CCSER1: variants seen among roughly 807,000 people sequenced by gnomAD.
CCSER1 encodes the protein serine-rich coiled-coil domain-containing protein 1.
A neutral mutation model predicts 82.0 loss-of-function variants in CCSER1; 41 were observed. That is an observed-to-expected ratio of 0.50 (90% CI 0.39 to 0.65). CCSER1 has a LOEUF of 0.65. CCSER1 is among the 30% of genes least tolerant of loss of function. CCSER1 has a pLI of 0.00. For synonymous variants in CCSER1, 414 were observed against 383.9 expected (o/e 1.08, Z -0.92); for missense variants, 1,119 against 1,064.2 (o/e 1.05, Z -0.72).
chr4:90,815,047 T>C (rs1024693575), intron 7 of CCSER1, among the ~76,000 whole-genome samples: 22 of 152,134 alleles, frequency 1.4e-4, no homozygotes, highest in African/African-American at 5.3e-4. Flanking sequence ...AGACTGGGTA[T>C]TTATACAGGA....
intron 10 of CCSER1, among the ~76,000 whole-genome samples, chr4:91,214,926 T>G (rs1164325097): frequency 6.6e-6 from 1 of 152,120 alleles, no homozygotes; most frequent in Non-Finnish European, 1.5e-5. Context: ...GATGGAAATT[T>G]AAATTCACAA....
chr4:90,994,438 A>C (rs571950649), intron 9 of CCSER1, among the ~76,000 whole-genome samples: 1 of 152,194 alleles, frequency 6.6e-6, no homozygotes, highest in South Asian at 2.1e-4. Flanking sequence ...ATGGGTACTC[A>C]AAGTATGGTG....
chr4:90,581,410 A>G (rs1560756687), intron 5 of CCSER1, among the ~76,000 whole-genome samples: 2 of 152,144 alleles, frequency 1.3e-5, no homozygotes, highest in Non-Finnish European at 2.9e-5. Flanking sequence ...GAATGATGAA[A>G]TGATCACTGT....
At chr4:90,932,963 A>AG (rs1730164068) in intron 9 of CCSER1, among the ~76,000 whole-genome samples, 3 of 47,184 alleles carry the variant, frequency 6.4e-5, no homozygotes, top group South Asian at 5.5e-4. Context: ...AGAAAGAAAG[A>AG]AAGAAAGAAA....
Position 90,943,633 on chromosome 4 carries a change from G to A in CCSER1, c.2172+20186G>A, listed in dbSNP as rs186911151. ...GCTGGAGTGCAGTGGTGCGATCATG[G>A]CTCACTGCAGCCTCAACCTCCTGGG... On this transcript the variant is annotated intron_variant, in intron 9 of 10. Coordinates refer to ENST00000509176, the MANE Select transcript of CCSER1 (RefSeq NM_001145065.2). 5.3e-3 allele frequency among the ~76,000 whole-genome samples: 810 copies of A among 151,734 alleles called. 3 individuals carry two copies. Among genetic ancestry groups the A allele is most frequent in the Non-Finnish European group, 8.8e-3 (599 of 67,908 alleles).
chr4:90,763,629 C>T (rs62313018), intron 7 of CCSER1, among the ~76,000 whole-genome samples: 8,654 of 152,180 alleles, frequency 0.057, 353 homozygotes, highest in Admixed American at 0.11. Flanking sequence ...AGTCCCATGG[C>T]TCTGCCCGTT....
chr4:90,769,406 C>A (rs951513462), intron 7 of CCSER1, among the ~76,000 whole-genome samples: 1 of 152,132 alleles, frequency 6.6e-6, no homozygotes, highest in African/African-American at 2.4e-5. Context: ...GAGAGCTGCT[C>A]AACTGAATGA....
chr4:91,456,575 A>T (rs537377288), intron 10 of CCSER1, among the ~76,000 whole-genome samples: 1 of 151,944 alleles, frequency 6.6e-6, no homozygotes, highest in African/African-American at 2.4e-5. Context: ...AGTTTTTTTC[A>T]TGTATTGAAG....
At chr4:90,401,088 A>G (rs747781779) in intron 4 of CCSER1, among the ~76,000 whole-genome samples, 1 of 152,196 alleles carries the variant, frequency 6.6e-6, no homozygotes, top group Non-Finnish European at 1.5e-5. Context: ...CATATTATCA[A>G]TTGTCAAAAG....
At chr4:91,214,970 ATCT>A (rs1737128649) in intron 10 of CCSER1, among the ~76,000 whole-genome samples, 1 of 152,098 alleles carries the variant, frequency 6.6e-6, no homozygotes, top group Admixed American at 6.5e-5. Context: ...ACTCTGAAAT[ATCT>A]TCTTGTCTAC....
At position 91,024,145 on chromosome 4, in the gene CCSER1, C is replaced by A. The variant is rs574286457; in HGVS notation, c.2173-61805C>A. Among the ~76,000 whole-genome samples the A allele has an allele frequency of 1.9e-3, 288 of 152,164 alleles. 1 individual carries two copies. The highest frequency in any genetic ancestry group is 3.4e-3 in the Non-Finnish European group (232 of 67,996). ...CATTAATCCATTCATGAGGGCAGAG[C>A]CTTTATGATCCAATCAGCTCTTAAA... On this transcript the variant is annotated intron_variant, in intron 9 of 10. Transcript: ENST00000509176.
At chr4:90,447,718 C>T (rs1043636311) in intron 4 of CCSER1, among the ~76,000 whole-genome samples, 2 of 152,032 alleles carry the variant, frequency 1.3e-5, no homozygotes, top group Admixed American at 6.6e-5. Flanking sequence ...TAACAAAATA[C>T]CCAAGTCAAA....
chr4:90,525,180 G>A (rs1436410462), intron 5 of CCSER1, among the ~76,000 whole-genome samples: 3 of 151,862 alleles, frequency 2.0e-5, no homozygotes, highest in Non-Finnish European at 4.4e-5. Flanking sequence ...AATAAAAACA[G>A]TGCTTAAAAT....
rs1042430892 is a variant in CCSER1, at chr4:90,451,877, A to G, written c.1604-16357A>G. Among the ~76,000 whole-genome samples, 13 of 152,302 alleles carry G rather than the reference A, an allele frequency of 8.5e-5. No individual in the cohort carries two copies. The East Asian group carries it at 2.3e-3, about 27-fold the overall frequency. ...ACTTTCCATGGAAAGAATACCATGA[A>G]TAATAATCTGTTAATTTCCTGATGA... On this transcript the variant is annotated intron_variant, in intron 4 of 10. Transcript: ENST00000509176.
rs143933796 is a variant in CCSER1, at chr4:91,352,523, C to T, written c.2218-246049C>T. On this transcript the variant is annotated intron_variant, in intron 10 of 10. Coordinates refer to ENST00000509176, the MANE Select transcript of CCSER1 (RefSeq NM_001145065.2). ...CATCCCAAAGTGCTCAGATTACAGGCGTGAGCCACCGTGCCCGGCAGGAAG... is the reference window on the plus strand; with the variant it reads ...CATCCCAAAGTGCTCAGATTACAGGTGTGAGCCACCGTGCCCGGCAGGAAG... 7.4e-3 allele frequency among the ~76,000 whole-genome samples: 1,129 copies of T among 152,248 alleles called. 11 individuals are homozygous for T. Among genetic ancestry groups the T allele is most frequent in the African/African-American group, 0.026 (1,069 of 41,538 alleles).
At chr4:91,553,280 C>A (rs1578772608) in intron 10 of CCSER1, among the ~76,000 whole-genome samples, 1 of 151,242 alleles carries the variant, frequency 6.6e-6, no homozygotes, top group East Asian at 1.9e-4. Context: ...TTTTCAATGG[C>A]CTGTTAAGCT....
intron 10 of CCSER1, among the ~76,000 whole-genome samples, chr4:91,218,409 G>A (rs1177771546): frequency 6.6e-6 from 1 of 152,148 alleles, no homozygotes; most frequent in Admixed American, 6.5e-5. Flanking sequence ...GCCCAGAAAG[G>A]GGCTCCCACA....
chr4:91,291,765 G>A (rs1046637319), intron 10 of CCSER1, among the ~76,000 whole-genome samples: 12 of 151,940 alleles, frequency 7.9e-5, no homozygotes, highest in African/African-American at 1.2e-4. Flanking sequence ...GGGATTTGGC[G>A]GGGACACAGA....
intron 10 of CCSER1, among the ~76,000 whole-genome samples, chr4:91,262,809 A>G (rs912741190): frequency 2.0e-5 from 3 of 152,004 alleles, no homozygotes; most frequent in African/African-American, 7.2e-5. Context: ...GAGTATAATT[A>G]CATTTCGATC....
Sources: allele counts gnomAD v4.1 joint callset (sites outside exome capture counted in the v4.1 genomes callset), GRCh38; gene constraint gnomAD v4.1.1; transcripts MANE v1.5; gene names NCBI Gene and HGNC (gene_info 2026-07-23, HGNC 2026-07-21).